GALNT2: variants seen among roughly 807,000 people sequenced by gnomAD.
GALNT2 encodes the protein polypeptide N-acetylgalactosaminyltransferase 2.
In GALNT2, 31 loss-of-function variants were observed where a neutral mutation model predicts 81.4. That is an observed-to-expected ratio of 0.38 (90% CI 0.29 to 0.51). The LOEUF (loss-of-function observed/expected upper bound fraction) is 0.51, where lower values mean the gene tolerates loss of function less well. Ranked by LOEUF, GALNT2 falls within the 20% of genes least tolerant of loss-of-function variation. The probability of loss-of-function intolerance (pLI) is 0.87; values close to 1 mark genes in which losing one functional copy is unlikely to be tolerated. For synonymous variants in GALNT2, 303 were observed against 287.4 expected (o/e 1.05, Z -0.55); for missense variants, 629 against 765.7 (o/e 0.82, Z 2.11).
chr1:230,149,553 T>C (rs1388781101), intron 1 of GALNT2, among the ~76,000 whole-genome samples: 3 of 152,176 alleles, frequency 2.0e-5, no homozygotes, highest in African/African-American at 7.2e-5. Flanking sequence ...GGGGCATGTA[T>C]TGAGTGCAAC....
intron 14 of GALNT2, among the ~76,000 whole-genome samples, chr1:230,273,725 C>A (rs1666211679): frequency 6.6e-6 from 1 of 152,146 alleles, no homozygotes; most frequent in South Asian, 2.1e-4. Flanking sequence ...GTTATTTAAA[C>A]ACTCTCTAGC....
chr1:230,185,852 T>A (rs1663319491), intron 2 of GALNT2, among the ~76,000 whole-genome samples: 1 of 152,184 alleles, frequency 6.6e-6, no homozygotes, highest in Non-Finnish European at 1.5e-5. Flanking sequence ...TCTCTTAGGC[T>A]TGTCCACAGT....
intron 1 of GALNT2, among the ~76,000 whole-genome samples, chr1:230,069,692 C>G (rs1303111314): frequency 8.6e-6 from 1 of 116,814 alleles, no homozygotes; most frequent in Non-Finnish European, 2.0e-5. Context: ...AAATTTATTT[C>G]ATTCTCATAC....
intron 1 of GALNT2, among the ~76,000 whole-genome samples, chr1:230,116,761 G>A (rs555589024): frequency 2.6e-5 from 4 of 152,128 alleles, no homozygotes; most frequent in South Asian, 2.1e-4. Context: ...TCAGTAAACC[G>A]TGCTGTAAAC....
At chr1:230,194,509 C>G (rs975631094) in intron 2 of GALNT2, among the ~76,000 whole-genome samples, 8 of 152,238 alleles carry the variant, frequency 5.3e-5, no homozygotes, top group Non-Finnish European at 7.3e-5. Context: ...CCCTCTCTGA[C>G]TGTACACATT....
chr1:230,178,822 C>T (rs912165732), intron 2 of GALNT2, among the ~76,000 whole-genome samples: 1 of 152,128 alleles, frequency 6.6e-6, no homozygotes, highest in Non-Finnish European at 1.5e-5. Context: ...CGATGTTACA[C>T]ATTCTGTGGG....
rs953815435 is a variant in GALNT2, at chr1:230,140,517, G to A, written c.127-37701G>A. Among the ~76,000 whole-genome samples the A allele has an allele frequency of 3.9e-5, 6 of 152,226 alleles. No homozygotes were observed. The East Asian group carries it at 7.7e-4, about 20-fold the overall frequency. ...GTGACTTCCCGTGAAGCTGCTGTCC[G>A]TTGCTATAGAAATCCAGCCTCGGAA... On this transcript the variant is annotated intron_variant, in intron 1 of 15. Transcript: ENST00000366672.
At chr1:230,066,978 C>G (rs1036201036), upstream of GALNT2, among the ~76,000 whole-genome samples, 46 of 149,544 alleles carry the variant, frequency 3.1e-4, no homozygotes, top group Non-Finnish European at 4.9e-4. Context: ...CGGCAGTCCC[C>G]TCCCGCGGCC....
At chr1:230,104,533 G>T (rs1401966519) in intron 1 of GALNT2, among the ~76,000 whole-genome samples, 1 of 152,188 alleles carries the variant, frequency 6.6e-6, no homozygotes, top group Non-Finnish European at 1.5e-5. Context: ...TGTGCTGGGT[G>T]GGGGAAATGC....
chr1:230,136,833 C>T (rs1572005495), intron 1 of GALNT2, among the ~76,000 whole-genome samples: 1 of 152,212 alleles, frequency 6.6e-6, no homozygotes, highest in African/African-American at 2.4e-5. Flanking sequence ...CAAGGTCATT[C>T]AACAAGAACA....
chr1:230,181,335 A>G (rs1311223600), intron 2 of GALNT2, among the ~76,000 whole-genome samples: 2 of 149,952 alleles, frequency 1.3e-5, no homozygotes, highest in African/African-American at 2.4e-5. Flanking sequence ...GTTTTTTTGC[A>G]TCTATTGATA....
chr1:230,132,715 TA>T (rs1236468364), intron 1 of GALNT2, among the ~76,000 whole-genome samples: 1 of 152,204 alleles, frequency 6.6e-6, no homozygotes, highest in African/African-American at 2.4e-5. Flanking sequence ...AACAGCCATT[TA>T]AAAAAATGTG....
At chr1:230,172,088 G>A (rs749593742) in intron 1 of GALNT2, among the ~76,000 whole-genome samples, 16 of 152,134 alleles carry the variant, frequency 1.1e-4, no homozygotes, top group African/African-American at 3.6e-4. Flanking sequence ...CACCAAACCC[G>A]ATTTCACGTG....
chr1:230,089,405 G>A (rs1234671515), intron 1 of GALNT2, among the ~76,000 whole-genome samples: 5 of 151,494 alleles, frequency 3.3e-5, no homozygotes, highest in Admixed American at 6.6e-5. Flanking sequence ...TGCCCACCTC[G>A]GCCTCCCAAA....
intron 6 of GALNT2, 29 bp downstream of exon 6, chr1:230,236,754 A>T (rs1224995157): frequency 6.3e-7 from 1 of 1,590,104 alleles, no homozygotes; most frequent in Non-Finnish European, 8.6e-7. Flanking sequence ...CAGCGCCAAG[A>T]CAGTTGAATT....
intron 1 of GALNT2, among the ~76,000 whole-genome samples, chr1:230,122,867 G>T (rs1249134684): frequency 6.6e-6 from 1 of 152,178 alleles, no homozygotes; most frequent in Non-Finnish European, 1.5e-5. Context: ...CCTGTGGAAT[G>T]CAGACATCTC....
rs900758750 is a variant in GALNT2 at position 230,280,120 on chromosome 1, A to G, written c.*662A>G. On this transcript the variant is annotated 3_prime_UTR_variant, in exon 16 of 16. Coordinates refer to ENST00000366672, the MANE Select transcript of GALNT2 (RefSeq NM_004481.5). ...CCTATGGTTTCTGTAGATCATCGTC[A>G]TCTTGTATATTCCCCACAAAGCCGT... 4.8e-6 allele frequency: 2 copies of G among 414,650 alleles called. No individual in the cohort carries two copies. Among genetic ancestry groups the G allele is most frequent in the African/African-American group, 4.1e-5 (2 of 48,882 alleles). 25.7% of individuals were successfully genotyped at this position (414,650 alleles called of 1,614,324 possible). A position where few individuals can be genotyped will look rare whatever the true frequency, so the allele number is the denominator to read the frequency against.
chr1:230,102,459 C>A (rs1660429095), intron 1 of GALNT2, among the ~76,000 whole-genome samples: 1 of 152,116 alleles, frequency 6.6e-6, no homozygotes, highest in Non-Finnish European at 1.5e-5. Context: ...CCAAATGGAT[C>A]ATTTCCTTTT....
chr1:230,255,641 G>A (rs1281157199), intron 11 of GALNT2, among the ~76,000 whole-genome samples: 2 of 152,168 alleles, frequency 1.3e-5, no homozygotes, highest in Non-Finnish European at 2.9e-5. Flanking sequence ...CAGGAGCTGT[G>A]ATGGCAGGAA....
Sources: allele counts gnomAD v4.1 joint callset (sites outside exome capture counted in the v4.1 genomes callset), GRCh38; gene constraint gnomAD v4.1.1; transcripts MANE v1.5; gene names NCBI Gene and HGNC (gene_info 2026-07-23, HGNC 2026-07-21).